The following AGBL4 variants were observed in gnomAD, a reference collection of about 807,000 sequenced individuals.
AGBL4 encodes cytosolic carboxypeptidase 6.
In AGBL4, 58 loss-of-function variants were observed where a neutral mutation model predicts 66.4. The ratio of observed to expected loss-of-function variants is 0.87; its 90% CI spans 0.71 to 1.09. The LOEUF is 1.09. AGBL4 is among the 50% of genes least tolerant of loss of function. The pLI, the probability that AGBL4 is intolerant of heterozygous loss-of-function variation, is 0.00. For missense variants in AGBL4, 579 were observed against 631.0 expected (o/e 0.92, Z 0.88); for synonymous variants, 234 against 222.9 (o/e 1.05, Z -0.44).
chr1:48,916,979 G>A (rs1284810281), intron 5 of AGBL4, among the ~76,000 whole-genome samples: 1 of 152,036 alleles, frequency 6.6e-6, no homozygotes, highest in Non-Finnish European at 1.5e-5. Context: ...TATAATGAAT[G>A]TTTATATTTA....
intron 8 of AGBL4, among the ~76,000 whole-genome samples, chr1:48,653,126 T>C (rs960496091): frequency 2.0e-5 from 3 of 152,166 alleles, no homozygotes; most frequent in African/African-American, 7.2e-5. Context: ...GTGAGCTGTC[T>C]AGAAAAACCC....
chr1:49,940,786 G>A (rs1004811549), intron 1 of AGBL4, among the ~76,000 whole-genome samples: 1 of 151,810 alleles, frequency 6.6e-6, no homozygotes, highest in Admixed American at 6.6e-5. Flanking sequence ...CACCAGCATG[G>A]CACATGTATA....
At chr1:50,018,911 AT>A (rs1398936351) in intron 1 of AGBL4, among the ~76,000 whole-genome samples, 2 of 152,172 alleles carry the variant, frequency 1.3e-5, no homozygotes, top group African/African-American at 4.8e-5. Context: ...GAATAAAATT[AT>A]GTAAGTCCAC....
chr1:49,748,475 G>A (rs1396664566), intron 2 of AGBL4, among the ~76,000 whole-genome samples: 1 of 152,190 alleles, frequency 6.6e-6, no homozygotes, highest in East Asian at 1.9e-4. Flanking sequence ...AAACATGCAT[G>A]TGCATGTGGC....
At chr1:49,308,333 T>C (rs1036397554) in intron 3 of AGBL4, among the ~76,000 whole-genome samples, 3 of 152,136 alleles carry the variant, frequency 2.0e-5, no homozygotes, top group African/African-American at 7.2e-5. Context: ...CATTGTTACA[T>C]GTATTTGGGT....
chr1:49,946,641 A>C, intron 1 of AGBL4, among the ~76,000 whole-genome samples: 1 of 151,958 alleles, frequency 6.6e-6, no homozygotes, highest in Non-Finnish European at 1.5e-5. Context: ...TCAGACCTCA[A>C]GGAACTAGGG....
At chr1:49,218,426 G>A (rs1343065618) in intron 4 of AGBL4, among the ~76,000 whole-genome samples, 6 of 151,984 alleles carry the variant, frequency 3.9e-5, no homozygotes, top group Non-Finnish European at 8.8e-5. Flanking sequence ...AGTGCAAGAG[G>A]GTACATAGAG....
intron 10 of AGBL4, among the ~76,000 whole-genome samples, chr1:48,587,687 G>A (rs1403140543): frequency 6.6e-6 from 1 of 151,072 alleles, no homozygotes; most frequent in East Asian, 1.9e-4. Flanking sequence ...CTGTCACCCA[G>A]GCTGGAGTAC....
At chr1:49,256,381 T>C (rs1453108529) in intron 3 of AGBL4, among the ~76,000 whole-genome samples, 1 of 152,186 alleles carries the variant, frequency 6.6e-6, no homozygotes, top group Non-Finnish European at 1.5e-5. Flanking sequence ...ATCAATTGTA[T>C]ATCTATATAC....
At chr1:49,153,819 G>A (rs1240580040) in intron 4 of AGBL4, among the ~76,000 whole-genome samples, 1 of 151,726 alleles carries the variant, frequency 6.6e-6, no homozygotes, top group African/African-American at 2.4e-5. Context: ...GATACATTTG[G>A]AAGCTTCTGA....
intron 6 of AGBL4, among the ~76,000 whole-genome samples, chr1:48,678,130 A>T (rs1434111366): frequency 6.6e-6 from 1 of 152,194 alleles, no homozygotes; most frequent in African/African-American, 2.4e-5. Context: ...GGGCAGCCTG[A>T]CAGCGCTAGG....
intron 3 of AGBL4, among the ~76,000 whole-genome samples, chr1:49,599,543 T>C (rs1452439816): frequency 6.6e-6 from 1 of 152,202 alleles, no homozygotes; most frequent in African/African-American, 2.4e-5. Flanking sequence ...CTATCTATTT[T>C]GTTGATCTTT....
At chr1:48,925,426 G>A in intron 5 of AGBL4, among the ~76,000 whole-genome samples, 1 of 152,016 alleles carries the variant, frequency 6.6e-6, no homozygotes, top group Non-Finnish European at 1.5e-5. Context: ...AAAACCCATG[G>A]CCCACAGGCC....
At chr1:49,027,825 C>A (rs542113268) in intron 5 of AGBL4, among the ~76,000 whole-genome samples, 2 of 152,230 alleles carry the variant, frequency 1.3e-5, no homozygotes, top group South Asian at 4.2e-4. Flanking sequence ...GCCCTCGGCC[C>A]AGCTAATTTG....
intron 5 of AGBL4, among the ~76,000 whole-genome samples, chr1:48,947,688 C>G: frequency 6.6e-6 from 1 of 152,190 alleles, no homozygotes; most frequent in East Asian, 1.9e-4. Flanking sequence ...CTCCTCAAAA[C>G]GTAACATACT....
intron 6 of AGBL4, among the ~76,000 whole-genome samples, chr1:48,767,929 A>G (rs1644610981): frequency 1.3e-5 from 2 of 152,292 alleles, no homozygotes; most frequent in South Asian, 2.1e-4. Flanking sequence ...AGCACCTACT[A>G]TGTGCCAGGC....
chr1:48,729,536 A>C (rs967442520), intron 6 of AGBL4, among the ~76,000 whole-genome samples: 1 of 152,208 alleles, frequency 6.6e-6, no homozygotes. Flanking sequence ...TCAGAGATGC[A>C]GAATATCAAC....
intron 3 of AGBL4, among the ~76,000 whole-genome samples, chr1:49,596,280 G>A (rs1226621489): frequency 2.0e-5 from 3 of 152,084 alleles, no homozygotes; most frequent in Non-Finnish European, 4.4e-5. Flanking sequence ...CAATTCTCAC[G>A]ATTAAGCCTC....
intron 8 of AGBL4, among the ~76,000 whole-genome samples, chr1:48,650,999 G>A (rs1436348602): frequency 6.6e-6 from 1 of 152,128 alleles, no homozygotes; most frequent in Non-Finnish European, 1.5e-5. Context: ...TAGTGTGGCT[G>A]GCCTAGGGGA....
Sources: allele counts gnomAD v4.1 joint callset (sites outside exome capture counted in the v4.1 genomes callset), GRCh38; gene constraint gnomAD v4.1.1; transcripts MANE v1.5; gene names NCBI Gene and HGNC (gene_info 2026-07-23, HGNC 2026-07-21).